Variants in ANKRD62 observed in about 807,000 individuals in gnomAD.
The protein encoded by ANKRD62 is ankyrin repeat domain 62, also known as ankyrin repeat domain-containing protein 62.
A neutral mutation model predicts 98.8 loss-of-function variants in ANKRD62; 61 were observed. The ratio of observed to expected loss-of-function variants is 0.62; its 90% CI spans 0.50 to 0.76. ANKRD62 has a LOEUF of 0.76. Among genes scored for constraint, ANKRD62 ranks in the 30% least tolerant of loss-of-function variants. The pLI is 0.00. For synonymous variants in ANKRD62, 341 were observed against 367.9 expected (o/e 0.93, Z 0.84); for missense variants, 933 against 1,082.9 (o/e 0.86, Z 1.94).
At chr18:12,172,634 C>G in the ANKRD62 span, among the ~76,000 whole-genome samples, 6 of 152,356 alleles carry the variant, frequency 3.9e-5, no homozygotes, top group Non-Finnish European at 8.8e-5. Flanking sequence ...AACCACTACT[C>G]TCTTCAAAGC....
rs1024478517 is a variant in ANKRD62, at chr18:12,096,426, C to T, written c.614+124C>T. The T allele has an allele frequency of 1.1e-5, 6 of 569,362 alleles. No homozygotes were observed. The African/African-American group carries it at 1.2e-4, about 11-fold the overall frequency. 35.3% of individuals were successfully genotyped at this position (569,362 alleles called of 1,614,324 possible). The stretch of plus-strand genomic sequence containing the variant: ...TTATTATTGGGATAGAGAGAAATAC[C>T]AGCAGAAGTCATCAGGTAGAAAAAC... On this transcript the variant is annotated intron_variant, in intron 4 of 13. Coordinates refer to ENST00000587848, the MANE Select transcript of ANKRD62 (RefSeq NM_001277333.2).
In ANKRD62 at chr18:12,095,580, A is replaced by C; in HGVS notation, c.477A>C (p.Ala159=). The C allele has an allele frequency of 6.5e-7, 1 of 1,534,936 alleles. No individual in the cohort carries two copies. Among genetic ancestry groups the C allele is most frequent in the Non-Finnish European group, 8.7e-7 (1 of 1,146,034 alleles). The change falls in exon 3 of 14, where the codon GCA becomes GCC. Residue 159 remains alanine, a synonymous_variant. Transcript: ENST00000587848. Reference sequence around the variant, plus strand: ...TATCAATGGCAAGAAAACTGCTTGCATATGGTGCAGATATTGAAGCAAGAA... The same window carrying C: ...TATCAATGGCAAGAAAACTGCTTGCCTATGGTGCAGATATTGAAGCAAGAA... ...ENISMARKLL[A]YGADIEARSQ...
rs1909961138 is a variant in ANKRD62, at chr18:12,129,402, A to T, written c.*1463A>T. On this transcript the variant is annotated 3_prime_UTR_variant, in exon 14 of 14. Coordinates refer to ENST00000587848, the MANE Select transcript of ANKRD62 (RefSeq NM_001277333.2). ...TTACAGCACAAAAGTAGCCGTAAAC[A>T]ATATGCAGACTGAAGGGGTGTGGCT... is the stretch of plus-strand genomic sequence containing the variant. The T allele has an allele frequency of 6.6e-6, 1 of 152,182 alleles. No homozygotes were observed. The highest frequency in any genetic ancestry group is 1.9e-4 in the East Asian group (1 of 5,190). The allele number at this position is 152,182 out of a possible 1,614,324, so 9.4% of individuals were successfully genotyped here.
the ANKRD62 span, among the ~76,000 whole-genome samples, chr18:12,177,784 C>T: frequency 2.8e-5 from 4 of 140,364 alleles, no homozygotes; most frequent in Admixed American, 7.2e-5. Flanking sequence ...GAAAGCCTGA[C>T]CTTGCTGCCA....
the ANKRD62 span, among the ~76,000 whole-genome samples, chr18:12,165,296 C>A: frequency 2.6e-5 from 4 of 151,902 alleles, no homozygotes; most frequent in Non-Finnish European, 4.4e-5. Flanking sequence ...GATATGTAAA[C>A]ACACCTAGCA....
At position 12,128,755 on chromosome 18, in the gene ANKRD62, C is replaced by T. The variant is rs572105554; in HGVS notation, c.*816C>T. 6.6e-6 allele frequency: 1 copy of T among 152,278 alleles called. No homozygotes were observed. Among genetic ancestry groups the T allele is most frequent in the Admixed American group, 6.5e-5 (1 of 15,292 alleles). 9.4% of individuals were successfully genotyped at this position (152,278 alleles called of 1,614,324 possible). A position where few individuals can be genotyped will look rare whatever the true frequency, so the allele number is the denominator to read the frequency against. ...GTTTCCCTGGAAAGGAAAGATGATG[C>T]TTAGTTTTAAATGTTAAAAATGGGT... On this transcript the variant is annotated 3_prime_UTR_variant, in exon 14 of 14. Coordinates refer to ENST00000587848, the MANE Select transcript of ANKRD62 (RefSeq NM_001277333.2).
the ANKRD62 span, among the ~76,000 whole-genome samples, chr18:12,146,245 C>T: frequency 6.6e-6 from 1 of 152,200 alleles, no homozygotes; most frequent in Admixed American, 6.5e-5. Context: ...GCCACTTCCA[C>T]TGGTATTCCT....
chr18:12,112,007 G>A (rs994047767), intron 8 of ANKRD62, among the ~76,000 whole-genome samples: 1 of 151,368 alleles, frequency 6.6e-6, no homozygotes, highest in Non-Finnish European at 1.5e-5. Flanking sequence ...TTACTTGGGA[G>A]GCTGAGGCAA....
intron 8 of ANKRD62, among the ~76,000 whole-genome samples, chr18:12,109,454 C>A (rs1598733343): frequency 6.6e-6 from 1 of 152,080 alleles, no homozygotes; most frequent in South Asian, 2.1e-4. Context: ...GCAGTGGGGC[C>A]CTAGCAAATT....
At chr18:12,152,644 T>G in the ANKRD62 span, among the ~76,000 whole-genome samples, 1 of 152,156 alleles carries the variant, frequency 6.6e-6, no homozygotes, top group African/African-American at 2.4e-5. Flanking sequence ...GGGCAAAAGC[T>G]GGGGGCATTC....
rs1193380454 is a variant in ANKRD62 at position 12,125,595 on chromosome 18, G to A, written c.1774G>A (p.Asp592Asn). The A allele has an allele frequency of 7.2e-6, 11 of 1,527,190 alleles. No individual in the cohort carries two copies. In the East Asian group the frequency reaches 2.7e-4, roughly 37 times the overall value. The allele number at this position is 1,527,190 out of a possible 1,614,324, so 94.6% of individuals were successfully genotyped here. The change falls in exon 13 of 14, where the codon GAT (aspartate) becomes AAT (asparagine). Residue 592 changes from aspartate (D) to asparagine (N), a missense_variant. Transcript: ENST00000587848. Reference protein sequence around the residue: ...NQETENKYFKDIEIIKENNED... With the variant: ...NQETENKYFKNIEIIKENNED... ...GGAAACTGAAAATAAATATTTCAAAGATATTGAAATTATAAAGGAAAACAA... is the reference window on the plus strand; with the variant it reads ...GGAAACTGAAAATAAATATTTCAAAAATATTGAAATTATAAAGGAAAACAA...
At chr18:12,149,976 G>A in the ANKRD62 span, among the ~76,000 whole-genome samples, 1 of 152,088 alleles carries the variant, frequency 6.6e-6, no homozygotes, top group African/African-American at 2.4e-5. Context: ...TTCAGACTAT[G>A]GGCAGGAATG....
At chr18:12,138,189 A>G in the ANKRD62 span, among the ~76,000 whole-genome samples, 2 of 152,154 alleles carry the variant, frequency 1.3e-5, no homozygotes, top group East Asian at 1.9e-4. Context: ...ATTTAGTGCT[A>G]TAAATTTCCC....
intron 4 of ANKRD62, 132 bp from the exon 5 acceptor site, chr18:12,097,508 T>C: frequency 2.0e-6 from 2 of 984,540 alleles, no homozygotes; most frequent in East Asian, 5.4e-5. Flanking sequence ...CCCAAGATGT[T>C]TGTGTTTATT....
chr18:12,100,897 A>C (rs1487390686), intron 6 of ANKRD62, among the ~76,000 whole-genome samples: 1 of 152,162 alleles, frequency 6.6e-6, no homozygotes, highest in East Asian at 1.9e-4. Context: ...GAATAGCCCA[A>C]CTCTAGGCTC....
chr18:12,099,685 A>ATGACTTCTGAT lies in ANKRD62; in HGVS notation c.820+4_820+14dup. ...AAGTCTTCAAAATAGCAATTCAGGTATGACTTCTGATAGTGAATTCCTCTC... is the reference window on the plus strand; with the variant it reads ...AAGTCTTCAAAATAGCAATTCAGGTATGACTTCTGATTGACTTCTGATAGTGAATTCCTCTC... On this transcript the variant is annotated splice_donor_region_variant and intron_variant, in intron 6 of 13. Coordinates refer to ENST00000587848, the MANE Select transcript of ANKRD62 (RefSeq NM_001277333.2). 1 of 1,452,692 alleles carries ATGACTTCTGAT rather than the reference A, an allele frequency of 6.9e-7. No homozygotes were observed. 90.0% of individuals were successfully genotyped at this position (1,452,692 alleles called of 1,614,324 possible). A position where few individuals can be genotyped will look rare whatever the true frequency, so the allele number is the denominator to read the frequency against.
At position 12,128,454 on chromosome 18, in the gene ANKRD62, A is replaced by G. The variant is rs766139326; in HGVS notation, c.*515A>G. 6.6e-6 allele frequency: 1 copy of G among 152,276 alleles called. No homozygotes were observed. The highest frequency in any genetic ancestry group is 1.5e-5 in the Non-Finnish European group (1 of 68,044). The allele number at this position is 152,276 out of a possible 1,614,324, so 9.4% of individuals were successfully genotyped here. A position where few individuals can be genotyped will look rare whatever the true frequency, so the allele number is the denominator to read the frequency against. ...CTATGGACAGTTAGCATTTGCCAAC[A>G]TGTATGTGTCTACTTTCTCTTGCTT... On this transcript the variant is annotated 3_prime_UTR_variant, in exon 14 of 14. Transcript: ENST00000587848.
In ANKRD62 at chr18:12,129,263, T is replaced by C. The variant is rs1909957846; in HGVS notation, c.*1324T>C. ...TAAAATAGAAATTAGAAAAGAAAAA[T>C]ACTGTGTTTTAATCCTAGAGCATAG... On this transcript the variant is annotated 3_prime_UTR_variant, in exon 14 of 14. Transcript: ENST00000587848. 1 of 152,092 alleles carries C rather than the reference T, an allele frequency of 6.6e-6. No homozygotes were observed. Among genetic ancestry groups the C allele is most frequent in the Non-Finnish European group, 1.5e-5 (1 of 68,026 alleles). 9.4% of individuals were successfully genotyped at this position (152,092 alleles called of 1,614,324 possible). A position where few individuals can be genotyped will look rare whatever the true frequency, so the allele number is the denominator to read the frequency against.
chr18:12,123,183 G>A (rs577218870), intron 11 of ANKRD62, among the ~76,000 whole-genome samples: 3 of 152,002 alleles, frequency 2.0e-5, no homozygotes, highest in African/African-American at 7.2e-5. Flanking sequence ...AAGTAGCTGG[G>A]ATTACAGGCA....
Sources: allele counts gnomAD v4.1 joint callset (sites outside exome capture counted in the v4.1 genomes callset), GRCh38; gene constraint gnomAD v4.1.1; transcripts MANE v1.5; gene names NCBI Gene and HGNC (gene_info 2026-07-23, HGNC 2026-07-21).